RBMS3: variants seen among roughly 807,000 people sequenced by gnomAD.
RBMS3 encodes RNA-binding motif, single-stranded-interacting protein 3.
RBMS3 carries 27 observed loss-of-function variants against 66.8 expected under a neutral mutation model. The ratio of observed to expected loss-of-function variants is 0.40; its 90% CI spans 0.30 to 0.56. The LOEUF is 0.56. RBMS3 is among the 20% of genes least tolerant of loss of function. RBMS3 has a pLI of 0.40. For synonymous variants in RBMS3, 188 were observed against 183.0 expected, an observed-to-expected ratio of 1.03 and a Z score of -0.22; for missense variants, 513 against 549.5, an observed-to-expected ratio of 0.93 and a Z score of 0.66.
chr3:29,971,920 G>A (rs1350544863), intron 12 of RBMS3, among the ~76,000 whole-genome samples: 1 of 152,066 alleles, frequency 6.6e-6, no homozygotes, highest in Non-Finnish European at 1.5e-5. Context: ...AAACAAAAAA[G>A]GCCAGAAGGA....
chr3:29,492,834 T>C (rs1052683505), intron 3 of RBMS3, among the ~76,000 whole-genome samples: 3 of 152,206 alleles, frequency 2.0e-5, no homozygotes, highest in East Asian at 1.9e-4. Context: ...TATGCAGTGA[T>C]AGTTTATAAC....
chr3:29,516,678 A>G (rs1355940941), intron 3 of RBMS3, among the ~76,000 whole-genome samples: 1 of 152,114 alleles, frequency 6.6e-6, no homozygotes, highest in Non-Finnish European at 1.5e-5. Flanking sequence ...TCAGCCTCCT[A>G]AAGTGTTGGG....
At chr3:29,826,829 A>ATTTT (rs1161603815) in intron 6 of RBMS3, among the ~76,000 whole-genome samples, 29 of 152,176 alleles carry the variant, frequency 1.9e-4, no homozygotes, top group Non-Finnish European at 2.5e-4. Flanking sequence ...TCTAAAATTT[A>ATTTT]TTTTTCTCTA....
intron 4 of RBMS3, among the ~76,000 whole-genome samples, chr3:29,657,529 G>A (rs868255771): frequency 6.6e-6 from 1 of 152,180 alleles, no homozygotes; most frequent in African/African-American, 2.4e-5. Flanking sequence ...GACTGTCTGT[G>A]ATTTCCTTAG....
At chr3:29,758,054 A>G (rs931063744) in intron 5 of RBMS3, among the ~76,000 whole-genome samples, 1 of 152,214 alleles carries the variant, frequency 6.6e-6, no homozygotes, top group African/African-American at 2.4e-5. Flanking sequence ...TCTCATGATA[A>G]GACCCCTAGT....
chr3:29,301,849 T>A (rs532258191), intron 1 of RBMS3, among the ~76,000 whole-genome samples: 1 of 151,938 alleles, frequency 6.6e-6, no homozygotes, highest in Admixed American at 6.6e-5. Flanking sequence ...GAGAACTAGT[T>A]TGCATGATCT....
chr3:29,755,720 A>G (rs2055380342), intron 5 of RBMS3, among the ~76,000 whole-genome samples: 1 of 152,188 alleles, frequency 6.6e-6, no homozygotes, highest in Admixed American at 6.5e-5. Context: ...GTGCCAAAGC[A>G]GGGAGACAAA....
chr3:29,715,482 T>C (rs1243164192), intron 4 of RBMS3, among the ~76,000 whole-genome samples: 3 of 152,124 alleles, frequency 2.0e-5, no homozygotes, highest in African/African-American at 7.2e-5. Flanking sequence ...CGCCTTCAAT[T>C]TAAGCCAAGC....
chr3:29,703,280 A>G (rs1203040394), intron 4 of RBMS3, among the ~76,000 whole-genome samples: 4 of 152,184 alleles, frequency 2.6e-5, no homozygotes, highest in Non-Finnish European at 4.4e-5. Flanking sequence ...TATGATGAAG[A>G]CAGTAGGTAT....
At chr3:29,348,139 G>A (rs2036688754) in intron 1 of RBMS3, among the ~76,000 whole-genome samples, 1 of 152,028 alleles carries the variant, frequency 6.6e-6, no homozygotes, top group African/African-American at 2.4e-5. Context: ...AGTTTTCCGG[G>A]ATGCTGCATA....
At chr3:29,983,467 C>G (rs917103527) in intron 12 of RBMS3, among the ~76,000 whole-genome samples, 1 of 152,128 alleles carries the variant, frequency 6.6e-6, no homozygotes, top group Non-Finnish European at 1.5e-5. Flanking sequence ...ATGATGCTAG[C>G]TGGTTATTTT....
intron 4 of RBMS3, among the ~76,000 whole-genome samples, chr3:29,623,591 C>CAA (rs55768184): frequency 1.6e-4 from 18 of 115,680 alleles, no homozygotes; most frequent in Admixed American, 5.2e-4. Flanking sequence ...AAGACTGTCT[C>CAA]AAAAAAAAAA....
intron 3 of RBMS3, among the ~76,000 whole-genome samples, chr3:29,546,477 T>C (rs1175157459): frequency 6.6e-6 from 1 of 152,164 alleles, no homozygotes; most frequent in Non-Finnish European, 1.5e-5. Context: ...AGAGGCCATA[T>C]ACAGCAAAAA....
chr3:29,668,062 A>T (rs1045692057), intron 4 of RBMS3, among the ~76,000 whole-genome samples: 1 of 152,194 alleles, frequency 6.6e-6, no homozygotes, highest in Admixed American at 6.5e-5. Flanking sequence ...AAACTATATT[A>T]GCTTCTTCAT....
At chr3:29,491,786 G>C (rs929131319) in intron 3 of RBMS3, among the ~76,000 whole-genome samples, 3 of 152,224 alleles carry the variant, frequency 2.0e-5, no homozygotes, top group Non-Finnish European at 4.4e-5. Flanking sequence ...AAGGTCAGGA[G>C]ATCGAGACCA....
At chr3:29,718,822 T>A (rs2053520654) in intron 4 of RBMS3, among the ~76,000 whole-genome samples, 1 of 152,212 alleles carries the variant, frequency 6.6e-6, no homozygotes, top group Admixed American at 6.6e-5. Flanking sequence ...TGCATGCTGT[T>A]CTTCAACTAG....
intron 1 of RBMS3, among the ~76,000 whole-genome samples, chr3:29,298,817 T>G (rs757998971): frequency 6.6e-6 from 1 of 151,982 alleles, no homozygotes; most frequent in Non-Finnish European, 1.5e-5. Context: ...TTATGTATCC[T>G]ATAGTTACTA....
chr3:29,818,863 T>C (rs2057994466), intron 6 of RBMS3, among the ~76,000 whole-genome samples: 1 of 152,148 alleles, frequency 6.6e-6, no homozygotes, highest in South Asian at 2.1e-4. Context: ...TGAAAGTTAT[T>C]ATCTCCATGG....
chr3:29,906,983 C>T (rs1577113775), intron 10 of RBMS3, among the ~76,000 whole-genome samples: 1 of 152,102 alleles, frequency 6.6e-6, no homozygotes, highest in East Asian at 1.9e-4. Flanking sequence ...TATCATCTCT[C>T]ATCAAATTTT....
Sources: gnomAD v4.1 joint callset for allele counts (sites outside exome capture counted in the v4.1 genomes callset) on GRCh38, gnomAD v4.1.1 for gene constraint, MANE v1.5 for transcripts, NCBI Gene and HGNC (gene_info 2026-07-23, HGNC 2026-07-21) for gene names.